SMURF1: variants seen among roughly 807,000 people sequenced by gnomAD.
The protein encoded by SMURF1 is SMAD specific E3 ubiquitin protein ligase 1.
Under a neutral mutation model 98.0 loss-of-function variants are expected in SMURF1, and 44 were observed. The ratio of observed to expected loss-of-function variants is 0.45; its 90% CI spans 0.35 to 0.58. The LOEUF (loss-of-function observed/expected upper bound fraction) is 0.58, where lower values mean the gene tolerates loss of function less well. Among genes scored for constraint, SMURF1 ranks in the 20% least tolerant of loss-of-function variants. SMURF1 has a pLI of 0.00. For synonymous variants in SMURF1, 396 were observed against 374.9 expected, an observed-to-expected ratio of 1.06 and a Z score of -0.65; for missense variants, 687 against 938.4, an observed-to-expected ratio of 0.73 and a Z score of 3.50.
At chr7:99,052,090 A>G in intron 7 of SMURF1, 115 bp downstream of exon 7, 2 of 1,388,648 alleles carry the variant, frequency 1.4e-6, no homozygotes, top group Non-Finnish European at 1.9e-6. Flanking sequence ...AGCCATGATC[A>G]TGCCACTGCA....
intron 1 of SMURF1, among the ~76,000 whole-genome samples, chr7:99,076,908 C>T (rs1796476103): frequency 1.3e-5 from 2 of 151,170 alleles, no homozygotes; most frequent in South Asian, 2.1e-4. Flanking sequence ...CGTGTGGGGG[C>T]GGAAGGGGTA....
At chr7:99,102,876 G>A (rs764532423) in intron 1 of SMURF1, among the ~76,000 whole-genome samples, 3 of 152,068 alleles carry the variant, frequency 2.0e-5, no homozygotes, top group African/African-American at 4.8e-5. Flanking sequence ...ACCCAGGCTG[G>A]AGTACAGCAG....
At chr7:99,068,879 C>CCTA (rs1796258237) in intron 1 of SMURF1, among the ~76,000 whole-genome samples, 1 of 52,184 alleles carries the variant, frequency 1.9e-5, no homozygotes, top group Non-Finnish European at 7.6e-5. Context: ...TGGGCCCTAA[C>CCTA]CTACATTCAG....
At chr7:99,036,388 G>T in intron 15 of SMURF1, 1 of 154,502 alleles carries the variant, frequency 6.5e-6, no homozygotes, top group Non-Finnish European at 1.4e-5. Context: ...GGAGGTGGGA[G>T]GATGGCTTCA....
In SMURF1 at chr7:99,072,323, G is replaced by A. The variant is rs112279106; in HGVS notation, c.56-10486C>T. Among the ~76,000 whole-genome samples, 1,386 of 152,162 alleles carry A rather than the reference G, an allele frequency of 9.1e-3. 28 individuals are homozygous for A. Among genetic ancestry groups the A allele is most frequent in the African/African-American group, 0.03 (1,262 of 41,522 alleles). On this transcript the variant is annotated intron_variant, in intron 1 of 17. Coordinates refer to ENST00000361368, the MANE Select transcript of SMURF1 (RefSeq NM_181349.3). ...CAGGTGTGAGTCAACATTTCCAACC[G>A]AGGCAGTATTAATTTGACACATAGA...
At chr7:99,120,038 G>A (rs1370894966) in intron 1 of SMURF1, among the ~76,000 whole-genome samples, 6 of 152,158 alleles carry the variant, frequency 3.9e-5, no homozygotes, top group African/African-American at 1.2e-4. Flanking sequence ...CCTCATGAAT[G>A]GGTTGGTGCC....
intron 11 of SMURF1, among the ~76,000 whole-genome samples, chr7:99,045,228 A>G (rs1467779253): frequency 3.3e-5 from 5 of 152,226 alleles, no homozygotes; most frequent in Non-Finnish European, 5.9e-5. Flanking sequence ...CTGTTTTTTA[A>G]TATCATTTTC....
chr7:99,140,772 A>G (rs982276363), intron 1 of SMURF1, among the ~76,000 whole-genome samples: 14 of 151,558 alleles, frequency 9.2e-5, no homozygotes, highest in African/African-American at 3.4e-4. Flanking sequence ...ACTGGTTGAA[A>G]TATCCCTCAT....
rs11429233 is a variant in SMURF1, at chr7:99,073,466, TA to T, written c.56-11630del. 4.0e-3 allele frequency among the ~76,000 whole-genome samples: 572 copies of T among 141,628 alleles called. 2 individuals are homozygous for T. The highest frequency in any genetic ancestry group is 8.4e-3 in the Admixed American group (118 of 14,128). The allele number at this position is 141,628 out of a possible 152,430, so 92.9% of individuals were successfully genotyped here. ...TAGATTCATAAGATCATTTAAAACT[TA>T]AAAAAAAAAAAAATCAACCAGACAC... is the stretch of plus-strand genomic sequence containing the variant. On this transcript the variant is annotated intron_variant, in intron 1 of 17. Transcript: ENST00000361368.
At chr7:99,079,504 T>C (rs902027276) in intron 1 of SMURF1, among the ~76,000 whole-genome samples, 1 of 152,076 alleles carries the variant, frequency 6.6e-6, no homozygotes, top group South Asian at 2.1e-4. Flanking sequence ...AGAAAGAAAC[T>C]CAATAAAAGT....
intron 1 of SMURF1, among the ~76,000 whole-genome samples, chr7:99,068,551 C>T (rs2150553076): frequency 6.6e-6 from 1 of 152,314 alleles, no homozygotes; most frequent in Middle Eastern, 3.4e-3. Flanking sequence ...CCTCCTGCCT[C>T]AGCCTCCCCA....
rs773743230 is a variant in SMURF1, at chr7:99,040,399, T to C, written c.1529A>G (p.His510Arg). 7.7e-6 allele frequency: 12 copies of C among 1,551,848 alleles called. No homozygotes were observed. The highest frequency in any genetic ancestry group is 9.6e-6 in the Non-Finnish European group (11 of 1,150,516). The change falls in exon 13 of 18, where the codon CAT (histidine) becomes CGT (arginine). Residue 510 changes from histidine (H) to arginine (R), a missense_variant. This residue lies in a region of SMURF1 where 272 missense variants were observed against 430.0 expected (regional missense o/e 0.63). Coordinates refer to ENST00000361368, the MANE Select transcript of SMURF1 (RefSeq NM_181349.3). ...SDLESVDPELHKSLVWILEND... is the reference protein window; with the variant it reads ...SDLESVDPELRKSLVWILEND... The stretch of plus-strand genomic sequence containing the variant: ...TTACAGGATCCACACCAAGCTCTTA[T>C]GCAGCTCTGGGTCCACAGATTCCAG...
intron 2 of SMURF1, 72 bp from the exon 3 acceptor site, chr7:99,060,779 G>A (rs752543614): frequency 2.9e-5 from 29 of 986,446 alleles, no homozygotes; most frequent in African/African-American, 6.5e-5. Context: ...CACACAATTC[G>A]TGTTCTCTAA....
chr7:99,057,600 G>T (rs61690993), intron 3 of SMURF1, 49 bp from the exon 4 acceptor site: 839,654 of 1,421,474 alleles, frequency 0.59, 245,984 homozygotes, highest in African/African-American at 0.89. Context: ...GGTTTTTTTT[G>T]TTTTGTTTTT....
intron 1 of SMURF1, among the ~76,000 whole-genome samples, chr7:99,136,425 T>A (rs1245154195): frequency 6.6e-6 from 1 of 152,162 alleles, no homozygotes; most frequent in Non-Finnish European, 1.5e-5. Context: ...TTTTATCCTA[T>A]TTTTTGCCAT....
At chr7:99,076,834 CAT>C (rs534301843) in intron 1 of SMURF1, among the ~76,000 whole-genome samples, 1,806 of 124,476 alleles carry the variant, frequency 0.015, 16 homozygotes, top group Non-Finnish European at 0.023. Context: ...CACGTGTGCC[CAT>C]GTGTATGTGT....
At chr7:99,108,611 C>CAAAAAAAAAAAAAAAAAAAAAAAAA (rs11458541) in intron 1 of SMURF1, among the ~76,000 whole-genome samples, 2 of 58,550 alleles carry the variant, frequency 3.4e-5, no homozygotes, top group African/African-American at 6.2e-5. Context: ...AACTCTGTCT[C>CAAAAAAAAAAAAAAAAAAAAAAAAA]AAAAAAAAAA....
chr7:99,031,356 T>C (rs969759229), intron 17 of SMURF1: 7 of 152,198 alleles, frequency 4.6e-5, no homozygotes, highest in Admixed American at 2.0e-4. Context: ...GGGAAGCTCA[T>C]TTCCAGTATT....
rs570485641 is a variant in SMURF1 at position 99,038,975 on chromosome 7, C to T, written c.1551-450G>A. ...TTGGGATACCGAGGCGGGTGGATTA[C>T]GAGGTCAGGAGATTGAGACCAGCCT... On this transcript the variant is annotated intron_variant, in intron 13 of 17. Transcript: ENST00000361368. 1.3e-3 allele frequency among the ~76,000 whole-genome samples: 195 copies of T among 151,934 alleles called. 2 individuals carry two copies. Among genetic ancestry groups the T allele is most frequent in the Non-Finnish European group, 2.6e-3 (179 of 67,954 alleles).
Sources: gnomAD v4.1 joint callset for allele counts (sites outside exome capture counted in the v4.1 genomes callset) on GRCh38, gnomAD v4.1.1 for gene constraint, gnomAD v4.1.1 regional missense constraint, MANE v1.5 for transcripts, NCBI Gene and HGNC (gene_info 2026-07-23, HGNC 2026-07-21) for gene names.